Variants in CIT observed in about 807,000 individuals in gnomAD.
CIT encodes the protein citron rho-interacting serine/threonine kinase, also known as citron Rho-interacting kinase.
CIT carries 79 observed loss-of-function variants against 272.7 expected under a neutral mutation model. The ratio of observed to expected loss-of-function variants is 0.29; its 90% CI spans 0.24 to 0.35. The LOEUF is 0.35. Ranked by LOEUF, CIT falls within the 10% of genes least tolerant of loss-of-function variation. The pLI, the probability that CIT is intolerant of heterozygous loss-of-function variation, is 1.00. For missense variants in CIT, 1,909 were observed against 2,618.3 expected, an observed-to-expected ratio of 0.73 and a Z score of 5.91; for synonymous variants, 948 against 995.6, an observed-to-expected ratio of 0.95 and a Z score of 0.90.
At chr12:119,747,578 G>A (rs1959617076) in intron 23 of CIT, among the ~76,000 whole-genome samples, 1 of 151,662 alleles carries the variant, frequency 6.6e-6, no homozygotes, top group South Asian at 2.1e-4. Flanking sequence ...AATTAACTGG[G>A]CGTGGTGGGC....
chr12:119,713,698 C>T lies in CIT; in HGVS notation c.4307-50G>A, dbSNP rs1223786179. Reference sequence around the variant, plus strand: ...GAGGGCATGCTCAGCTGACCCTGGACCCTTCCCTTCCTCTGCCAGCCAACG... The same window carrying T: ...GAGGGCATGCTCAGCTGACCCTGGATCCTTCCCTTCCTCTGCCAGCCAACG... On this transcript the variant is annotated intron_variant, in intron 33 of 47. Coordinates refer to ENST00000392521, the MANE Select transcript of CIT (RefSeq NM_001206999.2). The surrounding 1 kb of genome is among the most constrained non-coding windows in gnomAD (Gnocchi z 5.2). 4 of 1,589,138 alleles carry T rather than the reference C, an allele frequency of 2.5e-6. No homozygotes were observed. The Admixed American group carries it at 5.0e-5, about 20-fold the overall frequency.
chr12:119,747,025 A>G (rs1238751463), intron 23 of CIT, among the ~76,000 whole-genome samples: 2 of 104,032 alleles, frequency 1.9e-5, no homozygotes, highest in African/African-American at 3.6e-5. Context: ...TTAATTAGAT[A>G]TTAGGTGCTA....
In CIT at chr12:119,728,912, A is replaced by T. The variant is rs990516148; in HGVS notation, c.3487-306T>A. Reference sequence around the variant, plus strand: ...TGGCTGAATTTAATTAAATAATCATACGCTGAATGCTTACTACCTGCATTA... The same window carrying T: ...TGGCTGAATTTAATTAAATAATCATTCGCTGAATGCTTACTACCTGCATTA... On this transcript the variant is annotated intron_variant, in intron 27 of 47. Coordinates refer to ENST00000392521, the MANE Select transcript of CIT (RefSeq NM_001206999.2). The surrounding 1 kb of genome is among the most constrained non-coding windows in gnomAD (Gnocchi z 4.3). Among the ~76,000 whole-genome samples the T allele has an allele frequency of 2.0e-5, 3 of 152,234 alleles. No individual in the cohort carries two copies. Among genetic ancestry groups the T allele is most frequent in the Admixed American group, 2.0e-4 (3 of 15,286 alleles).
At chr12:119,711,640 T>G (rs1401932709) in intron 37 of CIT, among the ~76,000 whole-genome samples, 2 of 152,206 alleles carry the variant, frequency 1.3e-5, no homozygotes, top group African/African-American at 4.8e-5. Context: ...AGGCTACTGA[T>G]GCCGATTCCC....
Position 119,784,566 on chromosome 12 carries a change from CA to C in CIT, c.1401+393del. On this transcript the variant is annotated intron_variant, in intron 11 of 47. Coordinates refer to ENST00000392521, the MANE Select transcript of CIT (RefSeq NM_001206999.2). This position sits in a 1 kb window ranked among gnomAD's most constrained non-coding sequence, Gnocchi z 4.7. ...AATGTTAAGAGACGTTGAGCGTAATCAACACAGTGGCCGCAGTGACATAAGC... is the reference window on the plus strand; with the variant it reads ...AATGTTAAGAGACGTTGAGCGTAATCACACAGTGGCCGCAGTGACATAAGC... 1 of 1,173,142 alleles carries C rather than the reference CA, an allele frequency of 8.5e-7. No individual in the cohort carries two copies. Among genetic ancestry groups the C allele is most frequent in the Non-Finnish European group, 1.1e-6 (1 of 940,468 alleles). 72.7% of individuals were successfully genotyped at this position (1,173,142 alleles called of 1,614,324 possible).
chr12:119,815,444 C>T (rs1202017481), intron 9 of CIT, among the ~76,000 whole-genome samples: 2 of 152,114 alleles, frequency 1.3e-5, no homozygotes, highest in Non-Finnish European at 2.9e-5. Flanking sequence ...CGGTGGCTCA[C>T]GCCTGTAATC....
In CIT at chr12:119,758,384, T is replaced by C. The variant is rs543030695; in HGVS notation, c.2531+207A>G. On this transcript the variant is annotated intron_variant, in intron 21 of 47. Coordinates refer to ENST00000392521, the MANE Select transcript of CIT (RefSeq NM_001206999.2). The stretch of plus-strand genomic sequence containing the variant: ...AAACACTCTGTAATGTGATGGTAAT[T>C]GAAGGCATTTAAGAAAACCCGACTC... Among the ~76,000 whole-genome samples, 127 of 152,240 alleles carry C rather than the reference T, an allele frequency of 8.3e-4. 1 individual carries two copies. Among genetic ancestry groups the C allele is most frequent in the African/African-American group, 2.8e-3 (118 of 41,538 alleles).
At chr12:119,695,923 G>A (rs1169027035) in intron 46 of CIT, among the ~76,000 whole-genome samples, 1 of 152,058 alleles carries the variant, frequency 6.6e-6, no homozygotes, top group Non-Finnish European at 1.5e-5. Flanking sequence ...TATTGTTTAG[G>A]GAATAATGAC....
intron 28 of CIT, among the ~76,000 whole-genome samples, chr12:119,726,385 ATTTTTTTTTTTTTTT>A (rs3999547): frequency 2.0e-5 from 2 of 101,446 alleles, no homozygotes; most frequent in African/African-American, 8.4e-5. Flanking sequence ...CACTTGGCTA[ATTTTTTTTTTTTTTT>A]TTTTTTTTTT....
At chr12:119,704,044 CT>C (rs961439149) in intron 41 of CIT, among the ~76,000 whole-genome samples, 16 of 150,060 alleles carry the variant, frequency 1.1e-4, no homozygotes, top group East Asian at 1.9e-4. Flanking sequence ...AGAGCCCCCC[CT>C]TTTTTTTTTC....
At position 119,808,240 on chromosome 12, in the gene CIT, G is replaced by A. The variant is rs143176433; in HGVS notation, c.1112-4851C>T. On this transcript the variant is annotated intron_variant, in intron 9 of 47. Coordinates refer to ENST00000392521, the MANE Select transcript of CIT (RefSeq NM_001206999.2). ...AAAACAAGGAAAGAAGAACCAAATG[G>A]ATTTGTCCTCTTGGGACTCCTTCTA... 8.5e-5 allele frequency among the ~76,000 whole-genome samples: 13 copies of A among 152,118 alleles called. No homozygotes were observed. In the East Asian group the frequency reaches 2.5e-3, roughly 29 times the overall value.
intron 9 of CIT, among the ~76,000 whole-genome samples, chr12:119,810,168 C>T (rs1328238264): frequency 5.9e-5 from 9 of 152,172 alleles, no homozygotes; most frequent in Admixed American, 5.2e-4. Flanking sequence ...GCAACTGGTG[C>T]CTGAAGAGGG....
chr12:119,823,792 T>A (rs1023944618), intron 8 of CIT, among the ~76,000 whole-genome samples: 1 of 151,886 alleles, frequency 6.6e-6, no homozygotes, highest in African/African-American at 2.4e-5. Context: ...GTAATCCCAA[T>A]ACTTTGGGAG....
chr12:119,789,941 C>T (rs1965164470), intron 10 of CIT, among the ~76,000 whole-genome samples: 1 of 151,372 alleles, frequency 6.6e-6, no homozygotes, highest in Non-Finnish European at 1.5e-5. Context: ...GTCTCAATCT[C>T]CTGACCTCAT....
chr12:119,759,372 C>T (rs1183079548), intron 20 of CIT, among the ~76,000 whole-genome samples: 2 of 152,212 alleles, frequency 1.3e-5, no homozygotes, highest in Non-Finnish European at 2.9e-5. Flanking sequence ...GCCAGCCGGG[C>T]GCGGCGGCTT....
intron 13 of CIT, 35 bp downstream of exon 13, chr12:119,782,483 G>T (rs746707299): frequency 1.9e-6 from 3 of 1,607,962 alleles, no homozygotes; most frequent in Non-Finnish European, 2.5e-6. Context: ...CAAGCAAGCC[G>T]AGATGCTGCT....
chr12:119,718,182 TTTTTACCA>T lies in CIT; in HGVS notation c.4168+55_4168+62del. Reference sequence around the variant, plus strand: ...CTTTAACCCCTAGTATTACTTGTAATTTTTACCATATGCCCACATGTCTTAGTCGACTA... The same window carrying T: ...CTTTAACCCCTAGTATTACTTGTAATTATGCCCACATGTCTTAGTCGACTA... On this transcript the variant is annotated intron_variant, in intron 32 of 47. Coordinates refer to ENST00000392521, the MANE Select transcript of CIT (RefSeq NM_001206999.2). This position sits in a 1 kb window ranked among gnomAD's most constrained non-coding sequence, Gnocchi z 4.8. 1 of 1,533,530 alleles carries T rather than the reference TTTTTACCA, an allele frequency of 6.5e-7. No individual in the cohort carries two copies. The allele number at this position is 1,533,530 out of a possible 1,614,324, so 95.0% of individuals were successfully genotyped here. A position where few individuals can be genotyped will look rare whatever the true frequency, so the allele number is the denominator to read the frequency against.
At chr12:119,818,915 G>C (rs936663493) in intron 9 of CIT, among the ~76,000 whole-genome samples, 2 of 152,156 alleles carry the variant, frequency 1.3e-5, no homozygotes, top group African/African-American at 4.8e-5. Flanking sequence ...GACAGTACCA[G>C]ACAGCAAAAC....
intron 44 of CIT, among the ~76,000 whole-genome samples, chr12:119,699,496 G>A (rs571582694): frequency 2.0e-5 from 3 of 152,326 alleles, no homozygotes; most frequent in Non-Finnish European, 4.4e-5. Flanking sequence ...CCCCGGTGCA[G>A]TTCCCTGGCC....
Sources: allele counts gnomAD v4.1 joint callset (sites outside exome capture counted in the v4.1 genomes callset), GRCh38; gene constraint gnomAD v4.1.1; non-coding constraint Gnocchi (gnomAD v3.1); transcripts MANE v1.5; gene names NCBI Gene and HGNC (gene_info 2026-07-23, HGNC 2026-07-21).